Variants in CNTN4 observed in about 807,000 individuals in gnomAD.
The protein encoded by CNTN4 is contactin-4.
A neutral mutation model predicts 122.5 loss-of-function variants in CNTN4; 77 were observed. The ratio of observed to expected loss-of-function variants is 0.63; its 90% CI spans 0.52 to 0.76. The LOEUF (loss-of-function observed/expected upper bound fraction) is 0.76, where lower values mean the gene tolerates loss of function less well. CNTN4 is among the 30% of genes least tolerant of loss of function. CNTN4 has a pLI of 0.00. For missense variants in CNTN4, 1,256 were observed against 1,259.1 expected, an observed-to-expected ratio of 1.00 and a Z score of 0.04; for synonymous variants, 512 against 447.0, an observed-to-expected ratio of 1.15 and a Z score of -1.83.
intron 2 of CNTN4, among the ~76,000 whole-genome samples, chr3:2,145,804 A>ATGT (rs1160217001): frequency 6.2e-5 from 3 of 48,774 alleles, no homozygotes; most frequent in East Asian, 6.2e-4. Flanking sequence ...CTTATGAAAT[A>ATGT]TGTTATTATT....
At chr3:2,702,144 G>A (rs1433238231) in intron 4 of CNTN4, among the ~76,000 whole-genome samples, 1 of 152,190 alleles carries the variant, frequency 6.6e-6, no homozygotes, top group Non-Finnish European at 1.5e-5. Flanking sequence ...AGAGAACAAT[G>A]TCTGATTGAC....
At chr3:3,049,987 A>T (rs187375866) in intron 23 of CNTN4, among the ~76,000 whole-genome samples, 10 of 152,214 alleles carry the variant, frequency 6.6e-5, no homozygotes, top group Non-Finnish European at 1.0e-4. Context: ...AGACTGGGCA[A>T]TTAATATGAA....
intron 14 of CNTN4, among the ~76,000 whole-genome samples, chr3:2,991,030 T>C (rs556628795): frequency 1.3e-5 from 2 of 152,272 alleles, no homozygotes; most frequent in East Asian, 3.9e-4. Context: ...TGCATTGTTA[T>C]AGGAGGATAT....
chr3:2,163,421 C>A (rs1362077199), intron 2 of CNTN4, among the ~76,000 whole-genome samples: 1 of 152,044 alleles, frequency 6.6e-6, no homozygotes, highest in Non-Finnish European at 1.5e-5. Context: ...ATCAGAAAAA[C>A]TCTTGTAGAT....
rs375676286 is a variant in CNTN4, at chr3:2,668,672, G to A, written c.56-67543G>A. The stretch of plus-strand genomic sequence containing the variant: ...GAGAGGGCATCCCTGTCTTGTGCCA[G>A]TTTTCAAAGGGAATGCTTCCAGTTT... On this transcript the variant is annotated intron_variant, in intron 4 of 24. Coordinates refer to ENST00000418658, the MANE Select transcript of CNTN4 (RefSeq NM_175607.3). Among the ~76,000 whole-genome samples the A allele has an allele frequency of 2.0e-5, 3 of 152,122 alleles. No individual in the cohort carries two copies. In the East Asian group the frequency reaches 5.8e-4, roughly 29 times the overall value.
intron 14 of CNTN4, among the ~76,000 whole-genome samples, chr3:3,016,154 C>A (rs536895914): frequency 6.6e-6 from 1 of 152,064 alleles, no homozygotes; most frequent in Non-Finnish European, 1.5e-5. Context: ...GTCAAAGGCA[C>A]GCCATAGAGT....
At chr3:3,051,518 C>T (rs887452753) in intron 23 of CNTN4, among the ~76,000 whole-genome samples, 2 of 152,174 alleles carry the variant, frequency 1.3e-5, no homozygotes, top group African/African-American at 4.8e-5. Context: ...GCAATTTATT[C>T]CTCAAAGCCA....
chr3:2,958,329 A>G (rs1318858380), intron 13 of CNTN4, among the ~76,000 whole-genome samples: 1 of 152,206 alleles, frequency 6.6e-6, no homozygotes, highest in Non-Finnish European at 1.5e-5. Flanking sequence ...TAGTTCTTAT[A>G]TATTTTAAGT....
chr3:2,935,407 C>A (rs1223859158), intron 13 of CNTN4, among the ~76,000 whole-genome samples: 1 of 152,152 alleles, frequency 6.6e-6, no homozygotes, highest in Non-Finnish European at 1.5e-5. Context: ...CTTTGCCACT[C>A]CCCTGGTTTT....
At chr3:2,990,037 A>T (rs1445759217) in intron 14 of CNTN4, among the ~76,000 whole-genome samples, 1 of 152,238 alleles carries the variant, frequency 6.6e-6, no homozygotes, top group African/African-American at 2.4e-5. Context: ...GCTCTTAGAC[A>T]AGACACTTAG....
intron 8 of CNTN4, among the ~76,000 whole-genome samples, chr3:2,879,708 T>C (rs1248546187): frequency 2.0e-5 from 3 of 152,118 alleles, no homozygotes; most frequent in African/African-American, 7.2e-5. Flanking sequence ...TGGGGATTCA[T>C]TGTGAATGGG....
At chr3:3,031,661 A>C (rs1699178538) in intron 16 of CNTN4, among the ~76,000 whole-genome samples, 1 of 152,146 alleles carries the variant, frequency 6.6e-6, no homozygotes, top group Admixed American at 6.5e-5. Flanking sequence ...CTGTAAATGG[A>C]CTTTTAAGAA....
intron 2 of CNTN4, among the ~76,000 whole-genome samples, chr3:2,274,344 C>G (rs545856420): frequency 1.3e-5 from 2 of 151,956 alleles, no homozygotes; most frequent in Non-Finnish European, 1.5e-5. Context: ...GATTGCACCA[C>G]TGCACTCCAG....
intron 2 of CNTN4, among the ~76,000 whole-genome samples, chr3:2,237,944 A>G (rs570437373): frequency 1.3e-5 from 2 of 152,322 alleles, no homozygotes; most frequent in East Asian, 1.9e-4. Flanking sequence ...CTTATTAAAC[A>G]GATTATAAAA....
chr3:2,206,648 G>A (rs1371367760), intron 2 of CNTN4, among the ~76,000 whole-genome samples: 1 of 150,076 alleles, frequency 6.7e-6, no homozygotes, highest in Non-Finnish European at 1.5e-5. Flanking sequence ...CCCTATACAA[G>A]TTGAGACTGA....
At chr3:2,257,737 A>G (rs2040657992) in intron 2 of CNTN4, among the ~76,000 whole-genome samples, 1 of 152,176 alleles carries the variant, frequency 6.6e-6, no homozygotes, top group Non-Finnish European at 1.5e-5. Flanking sequence ...ATGAGATACC[A>G]TCTCTCATCA....
chr3:2,331,998 A>G (rs1297791374), intron 2 of CNTN4, among the ~76,000 whole-genome samples: 1 of 152,172 alleles, frequency 6.6e-6, no homozygotes, highest in Non-Finnish European at 1.5e-5. Context: ...GTAAAGCTCC[A>G]GTAAAATCCC....
intron 4 of CNTN4, among the ~76,000 whole-genome samples, chr3:2,582,328 G>C (rs1559265922): frequency 6.6e-6 from 1 of 152,120 alleles, no homozygotes; most frequent in African/African-American, 2.4e-5. Context: ...TTACACACAA[G>C]TACACTGATT....
chr3:2,916,187 T>G (rs2094351809), intron 12 of CNTN4, among the ~76,000 whole-genome samples: 1 of 152,236 alleles, frequency 6.6e-6, no homozygotes, highest in Non-Finnish European at 1.5e-5. Context: ...TGTACTTTTT[T>G]TTTCTTTTTC....
Sources: allele counts gnomAD v4.1 joint callset (sites outside exome capture counted in the v4.1 genomes callset), GRCh38; gene constraint gnomAD v4.1.1; transcripts MANE v1.5; gene names NCBI Gene and HGNC (gene_info 2026-07-23, HGNC 2026-07-21).